The following CUX1 variants were observed in gnomAD, a reference collection of about 807,000 sequenced individuals.
CUX1 encodes the protein protein CASP.
Under a neutral mutation model 158.8 loss-of-function variants are expected in CUX1, and 31 were observed. That is an observed-to-expected ratio of 0.20 (90% CI 0.15 to 0.26). The LOEUF (loss-of-function observed/expected upper bound fraction) is 0.26. CUX1 is among the 10% of genes least tolerant of loss of function. The pLI, the probability that CUX1 is intolerant of heterozygous loss-of-function variation, is 1.00. For synonymous variants in CUX1, 879 were observed against 862.1 expected (o/e 1.02, Z -0.34); for missense variants, 1,589 against 2,014.6 (o/e 0.79, Z 4.04).
intron 8 of CUX1, among the ~76,000 whole-genome samples, chr7:102,152,429 G>GT (rs1330699749): frequency 1.3e-5 from 2 of 152,072 alleles, no homozygotes; most frequent in East Asian, 1.9e-4. Flanking sequence ...TTGTTTGTTT[G>GT]TTTTTTTGAG....
At chr7:101,920,608 C>A (rs955199351) in intron 2 of CUX1, among the ~76,000 whole-genome samples, 11 of 152,114 alleles carry the variant, frequency 7.2e-5, no homozygotes, top group Admixed American at 2.0e-4. Flanking sequence ...AGTTTTATAT[C>A]ATTAGATTAA....
intron 2 of CUX1, among the ~76,000 whole-genome samples, chr7:101,924,816 C>T (rs967485132): frequency 6.6e-6 from 1 of 151,996 alleles, no homozygotes; most frequent in Admixed American, 6.6e-5. Context: ...CTCAAGCGAT[C>T]CTCCCACCTC....
At chr7:102,140,778 T>A (rs1469158806) in intron 8 of CUX1, among the ~76,000 whole-genome samples, 1 of 151,024 alleles carries the variant, frequency 6.6e-6, no homozygotes, top group Non-Finnish European at 1.5e-5. Flanking sequence ...GGCAGGAGAA[T>A]CTCTTGAACC....
At chr7:102,118,017 G>A (rs1395496359) in intron 8 of CUX1, among the ~76,000 whole-genome samples, 1 of 152,176 alleles carries the variant, frequency 6.6e-6, no homozygotes, top group African/African-American at 2.4e-5. Flanking sequence ...TTTTAACTTT[G>A]GAGGCCATGG....
chr7:102,231,971 G>A (rs1223242550), intron 21 of CUX1, among the ~76,000 whole-genome samples: 1 of 151,056 alleles, frequency 6.6e-6, no homozygotes, highest in Non-Finnish European at 1.5e-5. Context: ...CCTTGGCCTT[G>A]CAAAGTGCTG....
chr7:102,142,555 T>G (rs779188096), intron 8 of CUX1, among the ~76,000 whole-genome samples: 2 of 151,912 alleles, frequency 1.3e-5, no homozygotes, highest in Non-Finnish European at 2.9e-5. Flanking sequence ...AGCCCAGGAA[T>G]TTGAGGCTGC....
At chr7:102,006,736 G>T (rs940603674) in intron 2 of CUX1, among the ~76,000 whole-genome samples, 1 of 152,172 alleles carries the variant, frequency 6.6e-6, no homozygotes, top group Non-Finnish European at 1.5e-5. Context: ...ATGGGTTTGG[G>T]CTGTCATCTT....
intron 4 of CUX1, among the ~76,000 whole-genome samples, chr7:102,095,074 A>G (rs1209229822): frequency 6.6e-6 from 1 of 151,784 alleles, no homozygotes; most frequent in Non-Finnish European, 1.5e-5. Context: ...ATCACAGCTC[A>G]ATGCAACCTC....
rs185563591 is a variant in CUX1 at position 101,833,372 on chromosome 7, C to A, written c.30+15703C>A. Reference sequence around the variant, plus strand: ...AAGACCAGCATGGGCAACAGTGAGACCCTGTCTCTACAGAAAAAAAAAAAA... The same window carrying A: ...AAGACCAGCATGGGCAACAGTGAGAACCTGTCTCTACAGAAAAAAAAAAAA... On this transcript the variant is annotated intron_variant, in intron 1 of 23. Transcript: ENST00000292535. 2.7e-4 allele frequency among the ~76,000 whole-genome samples: 41 copies of A among 151,376 alleles called. No homozygotes were observed. The East Asian group carries it at 7.4e-3, about 27-fold the overall frequency.
chr7:102,180,364 T>A (rs1792898868), intron 11 of CUX1, among the ~76,000 whole-genome samples: 1 of 144,572 alleles, frequency 6.9e-6, no homozygotes, highest in Non-Finnish European at 1.5e-5. Context: ...TGGCCCAGAC[T>A]GGAGTGCAGT....
intron 12 of CUX1, among the ~76,000 whole-genome samples, chr7:102,192,225 G>A (rs1794355955): frequency 6.6e-6 from 1 of 152,180 alleles, no homozygotes; most frequent in Non-Finnish European, 1.5e-5. Flanking sequence ...AAGACACCCT[G>A]TCCCTTCAGG....
chr7:101,915,899 T>C (rs1804133780), intron 1 of CUX1, among the ~76,000 whole-genome samples: 1 of 152,178 alleles, frequency 6.6e-6, no homozygotes. Flanking sequence ...AGCTTGGTTT[T>C]CTCAACCACT....
intron 1 of CUX1, among the ~76,000 whole-genome samples, chr7:101,842,614 G>A (rs1020008805): frequency 2.6e-5 from 4 of 151,666 alleles, no homozygotes; most frequent in Admixed American, 1.3e-4. Flanking sequence ...TTTAACTCCC[G>A]GACTCAAGTG....
chr7:102,196,791 T>C lies in CUX1; in HGVS notation c.1380T>C (p.Phe460=). ...CACCAGCGGGGTTAAGTCAAGACTT[T>C]TTCAGCTCATCCCTGGCAAGCCCCA... ...QFSPAGLSQD[F]FSSSLASPSL... Residue 460 remains phenylalanine, a synonymous_variant, in exon 15 of 24, where the codon TTT becomes TTC. Coordinates refer to ENST00000292535, the MANE Select transcript of CUX1 (RefSeq NM_181552.4). The C allele has an allele frequency of 6.2e-7, 1 of 1,614,160 alleles. No individual in the cohort carries two copies. The highest frequency in any genetic ancestry group is 8.5e-7 in the Non-Finnish European group (1 of 1,180,038).
chr7:102,277,861 C>A (rs1387423533), intron 17 of CUX1: 1 of 766,606 alleles, frequency 1.3e-6, no homozygotes, highest in Non-Finnish European at 2.0e-6. Flanking sequence ...AGGCTGTGGG[C>A]ACAGAAGGGG....
intron 10 of CUX1, among the ~76,000 whole-genome samples, chr7:102,175,300 A>G (rs75060291): frequency 0.034 from 5,135 of 152,308 alleles, 122 homozygotes; most frequent in Middle Eastern, 0.1. Flanking sequence ...TGTAAAACCC[A>G]CATTCCCTTG....
chr7:102,001,634 G>A (rs1259923902), intron 2 of CUX1, among the ~76,000 whole-genome samples: 2 of 152,176 alleles, frequency 1.3e-5, no homozygotes, highest in Non-Finnish European at 2.9e-5. Context: ...GTGAGCCACC[G>A]CGCCCGGCCC....
At chr7:102,096,524 G>A (rs73408028) in intron 4 of CUX1, among the ~76,000 whole-genome samples, 12,110 of 152,124 alleles carry the variant, frequency 0.08, 665 homozygotes, top group African/African-American at 0.15. Flanking sequence ...AGGCAACATA[G>A]GAAGACCCTA....
At position 102,138,711 on chromosome 7, in the gene CUX1, C is replaced by A. The variant is rs575242793; in HGVS notation, c.675-19849C>A. Among the ~76,000 whole-genome samples the A allele has an allele frequency of 2.6e-5, 4 of 152,232 alleles. No homozygotes were observed. In the South Asian group the frequency reaches 6.2e-4, roughly 24 times the overall value. ...ACCTACAAATTCCTGCTGGTGAATT[C>A]TTTAAAGTTATATGGATTTTCAACG... On this transcript the variant is annotated intron_variant, in intron 8 of 23. Transcript: ENST00000292535.
Sources: gnomAD v4.1 joint callset for allele counts (sites outside exome capture counted in the v4.1 genomes callset) on GRCh38, gnomAD v4.1.1 for gene constraint, MANE v1.5 for transcripts, NCBI Gene and HGNC (gene_info 2026-07-23, HGNC 2026-07-21) for gene names.